The following MINDY2 variants were observed in gnomAD, a reference collection of about 807,000 sequenced individuals.
MINDY2 encodes ubiquitin carboxyl-terminal hydrolase MINDY-2.
MINDY2 carries 52 observed loss-of-function variants against 68.2 expected under a neutral mutation model. That is an observed-to-expected ratio of 0.76 (90% CI 0.61 to 0.96). The LOEUF (loss-of-function observed/expected upper bound fraction) is 0.96. Ranked by LOEUF, MINDY2 falls within the 40% of genes least tolerant of loss-of-function variation. The pLI is 0.00. For missense variants in MINDY2, 881 were observed against 773.4 expected, an observed-to-expected ratio of 1.14 and a Z score of -1.65; for synonymous variants, 372 against 303.0, an observed-to-expected ratio of 1.23 and a Z score of -2.36.
chr15:58,842,470 C>G (rs1194485051), intron 6 of MINDY2, among the ~76,000 whole-genome samples: 1 of 152,042 alleles, frequency 6.6e-6, no homozygotes, highest in African/African-American at 2.4e-5. Flanking sequence ...TCACAGAATG[C>G]TACATTTAAG....
At chr15:58,772,277 G>C (rs1157706320) in intron 1 of MINDY2, 42 bp downstream of exon 1, 1 of 1,601,124 alleles carries the variant, frequency 6.2e-7, no homozygotes, top group Non-Finnish European at 8.5e-7. Context: ...TTTTGGGGTG[G>C]AGGAAAACGG....
At chr15:58,851,591 A>T (rs1288941721) in intron 7 of MINDY2, among the ~76,000 whole-genome samples, 180 bp from the exon 8 acceptor site, 2 of 152,102 alleles carry the variant, frequency 1.3e-5, no homozygotes, top group Admixed American at 1.3e-4. Context: ...GGTGCACACC[A>T]CCACACCTGG....
In MINDY2 at chr15:58,771,754, G is replaced by A. The variant is rs1900422096; in HGVS notation, c.359G>A (p.Gly120Asp). The A allele has an allele frequency of 1.9e-6, 3 of 1,611,490 alleles. No individual in the cohort carries two copies. Among genetic ancestry groups the A allele is most frequent in the South Asian group, 1.1e-5 (1 of 91,018 alleles). Residue 120 changes from glycine to aspartate, a missense_variant, in exon 1 of 9, where the codon GGT becomes GAT. Coordinates refer to ENST00000559228, the MANE Select transcript of MINDY2 (RefSeq NM_001040450.3). ...ASPETAVAGVGHELGTAGDAG... is the reference protein window; with the variant it reads ...ASPETAVAGVDHELGTAGDAG... Reference sequence around the variant, plus strand: ...CCGGAGACAGCCGTGGCCGGAGTGGGTCATGAGTTGGGTACCGCCGGAGAC... The same window carrying A: ...CCGGAGACAGCCGTGGCCGGAGTGGATCATGAGTTGGGTACCGCCGGAGAC...
chr15:58,797,469 C>G (rs1027750350), intron 2 of MINDY2, among the ~76,000 whole-genome samples: 1 of 152,210 alleles, frequency 6.6e-6, no homozygotes, highest in Non-Finnish European at 1.5e-5. Flanking sequence ...GTTTGTGCCA[C>G]TGTACTCCAG....
rs180678659 is a variant in MINDY2 at position 58,783,182 on chromosome 15, A to G, written c.841-4724A>G. ...GTGATCCGCCCACCTCGGCCTCCCA[A>G]AGTGCTGGGATTACAGGAGTGACCG... is the stretch of plus-strand genomic sequence containing the variant. On this transcript the variant is annotated intron_variant, in intron 1 of 8. Transcript: ENST00000559228. Among the ~76,000 whole-genome samples the G allele has an allele frequency of 1.6e-3, 247 of 152,056 alleles. 2 individuals are homozygous for G. Among genetic ancestry groups the G allele is most frequent in the East Asian group, 6.0e-3 (31 of 5,170 alleles).
chr15:58,824,164 C>T (rs1278810695), intron 5 of MINDY2, among the ~76,000 whole-genome samples: 1 of 152,160 alleles, frequency 6.6e-6, no homozygotes, highest in African/African-American at 2.4e-5. Context: ...AAGGGTAGGA[C>T]TTAGTACTAT....
chr15:58,790,215 G>A (rs1343236263), intron 2 of MINDY2, among the ~76,000 whole-genome samples: 1 of 152,122 alleles, frequency 6.6e-6, no homozygotes, highest in East Asian at 1.9e-4. Context: ...CCTCTTTTAG[G>A]CTAGCTTAGT....
chr15:58,829,776 A>G (rs892562101), intron 5 of MINDY2, among the ~76,000 whole-genome samples: 11 of 152,208 alleles, frequency 7.2e-5, no homozygotes, highest in South Asian at 2.1e-4. Flanking sequence ...TTGTACTTCT[A>G]TCATAACAAA....
At chr15:58,790,078 A>G (rs1901784784) in intron 2 of MINDY2, among the ~76,000 whole-genome samples, 1 of 152,134 alleles carries the variant, frequency 6.6e-6, no homozygotes. Context: ...TGCACCCGGC[A>G]GGAAGACCCT....
intron 4 of MINDY2, among the ~76,000 whole-genome samples, chr15:58,812,192 C>A (rs1171743663): frequency 6.6e-6 from 1 of 152,084 alleles, no homozygotes; most frequent in Non-Finnish European, 1.5e-5. Flanking sequence ...AATCCCAGTA[C>A]TTTGGGAGGC....
In MINDY2 at chr15:58,854,504, C is replaced by T. The variant is rs766559531; in HGVS notation, c.1760C>T (p.Ser587Phe). The T allele has an allele frequency of 1.2e-6, 2 of 1,613,556 alleles. No homozygotes were observed. Among genetic ancestry groups the T allele is most frequent in the South Asian group, 1.1e-5 (1 of 90,990 alleles). ...QAQQGQPAQA[S>F]PSSGRQSGNS... is the part of the protein sequence containing the mutation. The stretch of plus-strand genomic sequence containing the variant: ...AAGCAGGGCCAGCCAGCACAAGCCT[C>T]TCCATCAAGTGGAAGACAATCTGGG... The change falls in exon 9 of 9, where the codon TCT becomes TTT. Residue 587 changes from serine (S) to phenylalanine (F), a missense_variant. Coordinates refer to ENST00000559228, the MANE Select transcript of MINDY2 (RefSeq NM_001040450.3).
chr15:58,854,413 T>C, intron 8 of MINDY2, 69 bp from the exon 9 acceptor site: 1 of 1,535,560 alleles, frequency 6.5e-7, no homozygotes, highest in Non-Finnish European at 8.8e-7. Flanking sequence ...CAGTTTTCCT[T>C]TCTAGATAAC....
rs202127103 is a variant in MINDY2 at position 58,794,355 on chromosome 15, T to TGG, written c.898+6395_898+6396dup. On this transcript the variant is annotated intron_variant, in intron 2 of 8. Coordinates refer to ENST00000559228, the MANE Select transcript of MINDY2 (RefSeq NM_001040450.3). ...GATAAAGTAGAATAAAAGTTTTTTTTGGGGTGTGTGTGTGTGTGTGTGTGT... is the reference window on the plus strand; with the variant it reads ...GATAAAGTAGAATAAAAGTTTTTTTTGGGGGGTGTGTGTGTGTGTGTGTGTGT... 1.8e-3 allele frequency among the ~76,000 whole-genome samples: 178 copies of TGG among 100,686 alleles called. 1 individual carries two copies. Among genetic ancestry groups the TGG allele is most frequent in the Admixed American group, 6.9e-3 (52 of 7,508 alleles). 66.1% of individuals were successfully genotyped at this position (100,686 alleles called of 152,430 possible).
At chr15:58,817,978 A>G (rs1379207418) in intron 4 of MINDY2, among the ~76,000 whole-genome samples, 1 of 152,214 alleles carries the variant, frequency 6.6e-6, no homozygotes, top group African/African-American at 2.4e-5. Flanking sequence ...ATAGTCCGAA[A>G]CTGAAAACAA....
intron 4 of MINDY2, among the ~76,000 whole-genome samples, chr15:58,814,263 A>T: frequency 6.6e-6 from 1 of 152,180 alleles, no homozygotes; most frequent in East Asian, 1.9e-4. Context: ...TTTAACGGCT[A>T]ATGATGCTGA....
chr15:58,825,755 G>A (rs1399194583), intron 5 of MINDY2, among the ~76,000 whole-genome samples: 2 of 152,054 alleles, frequency 1.3e-5, no homozygotes, highest in African/African-American at 4.8e-5. Flanking sequence ...ACAGGCTCAC[G>A]CCACCACGCT....
At chr15:58,807,290 A>G (rs1386645241) in intron 3 of MINDY2, among the ~76,000 whole-genome samples, 1 of 150,096 alleles carries the variant, frequency 6.7e-6, no homozygotes, top group Non-Finnish European at 1.5e-5. Context: ...TTTCAAATGT[A>G]TTCTCTATAC....
intron 6 of MINDY2, among the ~76,000 whole-genome samples, chr15:58,839,183 C>CTGT (rs1352551301): frequency 1.3e-5 from 2 of 151,878 alleles, no homozygotes; most frequent in Non-Finnish European, 2.9e-5. Context: ...GATGTTTGAG[C>CTGT]TGTGGGCTTT....
intron 2 of MINDY2, among the ~76,000 whole-genome samples, chr15:58,790,426 A>T (rs1187602860): frequency 6.6e-6 from 1 of 152,080 alleles, no homozygotes; most frequent in African/African-American, 2.4e-5. Flanking sequence ...CAGAGAGTTG[A>T]TGCAGTCAGG....
Sources: gnomAD v4.1 joint callset for allele counts (sites outside exome capture counted in the v4.1 genomes callset) on GRCh38, gnomAD v4.1.1 for gene constraint, MANE v1.5 for transcripts, NCBI Gene and HGNC (gene_info 2026-07-23, HGNC 2026-07-21) for gene names.